Variants in SLFN5 observed in about 807,000 individuals in gnomAD.
SLFN5 encodes schlafen family member 5.
A neutral mutation model predicts 48.5 loss-of-function variants in SLFN5; 34 were observed. The observed-to-expected ratio is 0.70, with a 90% CI of 0.53 to 0.93. The LOEUF is 0.93. Among genes scored for constraint, SLFN5 ranks in the 40% least tolerant of loss-of-function variants. SLFN5 has a pLI of 0.00. For synonymous variants in SLFN5, 387 were observed against 396.2 expected, an observed-to-expected ratio of 0.98 and a Z score of 0.28; for missense variants, 1,006 against 1,071.3, an observed-to-expected ratio of 0.94 and a Z score of 0.85.
intron 1 of SLFN5, among the ~76,000 whole-genome samples, chr17:35,253,829 C>G (rs541110002): frequency 6.6e-6 from 1 of 151,214 alleles, no homozygotes; most frequent in East Asian, 2.0e-4. Context: ...TCCTGAGTAG[C>G]TGAGACTACA....
intron 1 of SLFN5, among the ~76,000 whole-genome samples, chr17:35,257,461 T>C (rs1224624802): frequency 1.3e-5 from 2 of 152,216 alleles, no homozygotes; most frequent in Non-Finnish European, 2.9e-5. Context: ...CAACAAAAAC[T>C]TGAGCTCTTT....
rs182308206 is a variant in SLFN5 at position 35,261,121 on chromosome 17, T to G, written c.1138+25T>G. 42 of 1,608,658 alleles carry G rather than the reference T, an allele frequency of 2.6e-5. No individual in the cohort carries two copies. The Middle Eastern group carries it at 4.9e-4, about 19-fold the overall frequency. On this transcript the variant is annotated intron_variant, in intron 3 of 4. Transcript: ENST00000299977. ...GGTAATTGGCCATCTCTGGTTGCTT[T>G]GGAATATGTTGATTGTTCATTCATA...
rs759962613 is a variant in SLFN5, at chr17:35,265,452, A to T, written c.2240A>T (p.Glu747Val). The change falls in exon 5 of 5, where the codon GAA becomes GTA. Residue 747 changes from glutamate (E) to valine (V), a missense_variant. Physicochemically the swap from Glu to Val is moderately radical, Grantham distance 121. Coordinates refer to ENST00000299977, the MANE Select transcript of SLFN5 (RefSeq NM_144975.4). ...CCTGGGTCCCTGGTGATGCTCTATGAACCTAAATGGGCTCAAGGTGTCCCA... is the reference window on the plus strand; with the variant it reads ...CCTGGGTCCCTGGTGATGCTCTATGTACCTAAATGGGCTCAAGGTGTCCCA... ...LPPGSLVMLY[E>V]PKWAQGVPGN... 8.1e-6 allele frequency: 13 copies of T among 1,613,494 alleles called. No homozygotes were observed. The Admixed American group carries it at 2.0e-4, about 25-fold the overall frequency.
chr17:35,267,744 A>G lies in SLFN5; in HGVS notation c.*1856A>G, dbSNP rs1904738302. On this transcript the variant is annotated 3_prime_UTR_variant, in exon 5 of 5. Coordinates refer to ENST00000299977, the MANE Select transcript of SLFN5 (RefSeq NM_144975.4). ...CCAAAAATTAAATAAATAAAACAAA[A>G]AAAAAGAATTTAAAAGTTTTATATA... 1 of 152,234 alleles carries G rather than the reference A, an allele frequency of 6.6e-6. No individual in the cohort carries two copies. The highest frequency in any genetic ancestry group is 2.4e-5 in the African/African-American group (1 of 41,434). The allele number at this position is 152,234 out of a possible 1,614,324, so 9.4% of individuals were successfully genotyped here. A position where few individuals can be genotyped will look rare whatever the true frequency, so the allele number is the denominator to read the frequency against.
intron 1 of SLFN5, among the ~76,000 whole-genome samples, chr17:35,247,243 C>G (rs544910572): frequency 1.3e-5 from 2 of 152,180 alleles, no homozygotes; most frequent in African/African-American, 4.8e-5. Flanking sequence ...ACGACAACAC[C>G]CTTGAATCAT....
chr17:35,255,352 C>A (rs989150314), intron 1 of SLFN5, among the ~76,000 whole-genome samples: 1 of 152,156 alleles, frequency 6.6e-6, no homozygotes, highest in South Asian at 2.1e-4. Flanking sequence ...ACATTGAGCA[C>A]ATATTACTTT....
At position 35,269,667 on chromosome 17, in the gene SLFN5, G is replaced by A. The variant is rs1239275026; in HGVS notation, c.*3779G>A. The stretch of plus-strand genomic sequence containing the variant: ...CTTGATTTAAGGAGGTTAAATTACA[G>A]TGAGAGAGTTGCACTTATTTAGTTT... On this transcript the variant is annotated 3_prime_UTR_variant, in exon 5 of 5. Transcript: ENST00000299977. 6.6e-6 allele frequency: 1 copy of A among 152,152 alleles called. No homozygotes were observed. The highest frequency in any genetic ancestry group is 1.5e-5 in the Non-Finnish European group (1 of 68,024). 9.4% of individuals were successfully genotyped at this position (152,152 alleles called of 1,614,324 possible). A position where few individuals can be genotyped will look rare whatever the true frequency, so the allele number is the denominator to read the frequency against.
At chr17:35,262,056 A>G (rs1904536476) in intron 3 of SLFN5, among the ~76,000 whole-genome samples, 1 of 152,044 alleles carries the variant, frequency 6.6e-6, no homozygotes, top group African/African-American at 2.4e-5. Flanking sequence ...ACATTTTACC[A>G]TAATATACCT....
Position 35,268,952 on chromosome 17 carries a change from A to G in SLFN5, c.*3064A>G, listed in dbSNP as rs1904768449. On this transcript the variant is annotated 3_prime_UTR_variant, in exon 5 of 5. Coordinates refer to ENST00000299977, the MANE Select transcript of SLFN5 (RefSeq NM_144975.4). Reference sequence around the variant, plus strand: ...GATCAGGGATCAGTATCCTTCATTGACTGATTTCCAATATCTCGAGACCTG... The same window carrying G: ...GATCAGGGATCAGTATCCTTCATTGGCTGATTTCCAATATCTCGAGACCTG... 2 of 152,254 alleles carry G rather than the reference A, an allele frequency of 1.3e-5. No homozygotes were observed. The highest frequency in any genetic ancestry group is 2.1e-4 in the South Asian group (1 of 4,828). 9.4% of individuals were successfully genotyped at this position (152,254 alleles called of 1,614,324 possible).
intron 3 of SLFN5, among the ~76,000 whole-genome samples, chr17:35,263,463 A>G (rs1372572295): frequency 6.6e-6 from 1 of 152,130 alleles, no homozygotes; most frequent in African/African-American, 2.4e-5. Context: ...AGTGTTAGTC[A>G]TGTGCCCTCT....
At position 35,259,504 on chromosome 17, in the gene SLFN5, C is replaced by G; in HGVS notation, c.814C>G (p.Pro272Ala). The G allele has an allele frequency of 6.2e-7, 1 of 1,614,138 alleles. No homozygotes were observed. Among genetic ancestry groups the G allele is most frequent in the East Asian group, 2.2e-5 (1 of 44,884 alleles). The change falls in exon 2 of 5, where the codon CCT becomes GCT. Residue 272 changes from proline to alanine, a missense_variant. By Grantham distance (27) the Pro-to-Ala change is conservative. Transcript: ENST00000299977. ...TGTCCATCATTTCTGCACACAGAGG[C>G]CTGAGATAAAATATGTCCTTAACTT... ...LPVHHFCTQRPEIKYVLNFLE... is the reference protein window; with the variant it reads ...LPVHHFCTQRAEIKYVLNFLE...
Position 35,265,389 on chromosome 17 carries a change from T to C in SLFN5, c.2177T>C (p.Met726Thr). Residue 726 changes from methionine to threonine, a missense_variant, in exon 5 of 5, where the codon ATG (methionine) becomes ACG (threonine). Physicochemically the swap from Met to Thr is moderately conservative, Grantham distance 81 (BLOSUM62 -1). Coordinates refer to ENST00000299977, the MANE Select transcript of SLFN5 (RefSeq NM_144975.4). The part of the protein sequence containing the change: ...GPIANYLQQV[M>T]QEARQNPPPN... ...ATAGCTAATTACCTACAACAAGTAA[T>C]GCAGGAAGCCCGACAAAATCCTCCA... The C allele has an allele frequency of 6.2e-7, 1 of 1,614,172 alleles. No homozygotes were observed. Among genetic ancestry groups the C allele is most frequent in the Non-Finnish European group, 8.5e-7 (1 of 1,180,030 alleles).
chr17:35,269,575 G>A lies in SLFN5; in HGVS notation c.*3687G>A. ...AGCTGACCAAATAGGCCTTAGAAGG[G>A]AGAGGTGCCTGGGCAGTTACAAGGA... On this transcript the variant is annotated 3_prime_UTR_variant, in exon 5 of 5. Transcript: ENST00000299977. The A allele has an allele frequency of 6.6e-6, 1 of 152,198 alleles. No individual in the cohort carries two copies. The highest frequency in any genetic ancestry group is 1.9e-4 in the East Asian group (1 of 5,204). The allele number at this position is 152,198 out of a possible 1,614,324, so 9.4% of individuals were successfully genotyped here.
At chr17:35,254,743 G>C (rs182886626) in intron 1 of SLFN5, among the ~76,000 whole-genome samples, 1 of 152,274 alleles carries the variant, frequency 6.6e-6, no homozygotes, top group Non-Finnish European at 1.5e-5. Flanking sequence ...TCGGCCGGGC[G>C]TGGTGGCTCA....
At chr17:35,262,815 G>A (rs1171971294) in intron 3 of SLFN5, among the ~76,000 whole-genome samples, 1 of 152,126 alleles carries the variant, frequency 6.6e-6, no homozygotes. Context: ...AGTGAGCCAT[G>A]ATCATACCAT....
intron 1 of SLFN5, among the ~76,000 whole-genome samples, chr17:35,249,500 G>A (rs1002507294): frequency 6.6e-6 from 1 of 152,162 alleles, no homozygotes; most frequent in Admixed American, 6.5e-5. Flanking sequence ...TGGTAAACAT[G>A]GTACTACTCT....
Position 35,267,484 on chromosome 17 carries a change from GAGTTCA to G in SLFN5, c.*1599_*1604del, listed in dbSNP as rs1397473345. The G allele has an allele frequency of 2.0e-5, 3 of 152,082 alleles. No homozygotes were observed. Among genetic ancestry groups the G allele is most frequent in the Non-Finnish European group, 4.4e-5 (3 of 68,016 alleles). 9.4% of individuals were successfully genotyped at this position (152,082 alleles called of 1,614,324 possible). A position where few individuals can be genotyped will look rare whatever the true frequency, so the allele number is the denominator to read the frequency against. On this transcript the variant is annotated 3_prime_UTR_variant, in exon 5 of 5. Coordinates refer to ENST00000299977, the MANE Select transcript of SLFN5 (RefSeq NM_144975.4). The stretch of plus-strand genomic sequence containing the variant: ...AGGTGGGAGGATTGTTTGAGCCCAG[GAGTTCA>G]AGACCAGCTTGAGCAATATAGTGAG...
At chr17:35,256,899 A>C (rs762229780) in intron 1 of SLFN5, among the ~76,000 whole-genome samples, 1 of 152,184 alleles carries the variant, frequency 6.6e-6, no homozygotes, top group African/African-American at 2.4e-5. Flanking sequence ...GAACAGCAGG[A>C]GGTGAGTGTA....
chr17:35,264,365 G>A lies in SLFN5; in HGVS notation c.1321G>A (p.Ala441Thr). Residue 441 changes from alanine to threonine, a missense_variant, in exon 4 of 5, where the codon GCT becomes ACT. Transcript: ENST00000299977. Reference protein sequence around the residue: ...LQEKQGVICDALLISQNNTPI... With the variant: ...LQEKQGVICDTLLISQNNTPI... ...AGAGAAGCAGGGAGTCATCTGTGAT[G>A]CTCTTCTAATTTCCCAGAACAACAC... The A allele has an allele frequency of 1.9e-6, 3 of 1,614,184 alleles. No individual in the cohort carries two copies. Among genetic ancestry groups the A allele is most frequent in the Non-Finnish European group, 2.5e-6 (3 of 1,180,036 alleles).
Sources: gnomAD v4.1 joint callset for allele counts (sites outside exome capture counted in the v4.1 genomes callset) on GRCh38, gnomAD v4.1.1 for gene constraint, MANE v1.5 for transcripts, NCBI Gene and HGNC (gene_info 2026-07-23, HGNC 2026-07-21) for gene names.